The following MTFR1 variants were observed in gnomAD, a reference collection of about 807,000 sequenced individuals.
The protein encoded by MTFR1 is chondrocyte protein with a poly-proline region.
MTFR1 carries 28 observed loss-of-function variants against 38.8 expected under a neutral mutation model. The observed-to-expected ratio is 0.72, with a 90% CI of 0.53 to 0.99. MTFR1 has a LOEUF of 0.99. MTFR1 is among the 50% of genes least tolerant of loss of function. The pLI is 0.00. For missense variants in MTFR1, 358 were observed against 395.5 expected (o/e 0.91, Z 0.81); for synonymous variants, 145 against 137.0 (o/e 1.06, Z -0.41).
intron 3 of MTFR1, among the ~76,000 whole-genome samples, chr8:65,720,773 GAA>G (rs1193905783): frequency 1.3e-5 from 2 of 152,162 alleles, no homozygotes; most frequent in Non-Finnish European, 2.9e-5. Flanking sequence ...AACAAACATA[GAA>G]AAGTGTCATT....
At chr8:65,774,834 T>C (rs1045499809), downstream of MTFR1, among the ~76,000 whole-genome samples, 2 of 152,182 alleles carry the variant, frequency 1.3e-5, no homozygotes, top group South Asian at 2.1e-4. Flanking sequence ...GTTTCTCATA[T>C]CTGCTAATAC....
intron 1 of MTFR1, among the ~76,000 whole-genome samples, chr8:65,666,073 G>T (rs1042679669): frequency 2.6e-5 from 4 of 152,150 alleles, no homozygotes; most frequent in African/African-American, 9.7e-5. Flanking sequence ...ATATAAACGT[G>T]TTGAAAGTTG....
rs771781125 is a variant in MTFR1, at chr8:65,670,015, A to G, written c.63A>G (p.Gln21=). Residue 21 remains glutamine, a synonymous_variant, in exon 2 of 8, where the codon CAA becomes CAG. Coordinates refer to ENST00000262146, the MANE Select transcript of MTFR1 (RefSeq NM_014637.4). ...TTCAACAAGTTGGAGTAAGCATGCA[A>G]TCGGTGAGTGCTCAAAATTCATTTT... ...MVFQQVGVSM[Q]SVLWSRKPYG... is the part of the protein sequence containing the mutation. The G allele has an allele frequency of 6.3e-7, 1 of 1,595,958 alleles. No homozygotes were observed. Among genetic ancestry groups the G allele is most frequent in the Non-Finnish European group, 8.5e-7 (1 of 1,175,890 alleles).
intron 3 of MTFR1, among the ~76,000 whole-genome samples, chr8:65,756,889 G>A (rs894046632): frequency 6.6e-6 from 1 of 151,956 alleles, no homozygotes; most frequent in Non-Finnish European, 1.5e-5. Flanking sequence ...TACTCCTCCA[G>A]GATTGTTTAT....
At chr8:65,689,326 A>T (rs1290595918) in intron 3 of MTFR1, among the ~76,000 whole-genome samples, 3 of 152,176 alleles carry the variant, frequency 2.0e-5, no homozygotes, top group Admixed American at 2.0e-4. Flanking sequence ...TTTTTATTCT[A>T]AGCTTTTCTA....
intron 1 of MTFR1, among the ~76,000 whole-genome samples, chr8:65,664,748 T>C (rs1370582726): frequency 1.4e-5 from 2 of 143,812 alleles, no homozygotes; most frequent in East Asian, 2.2e-4. Context: ...AGGCACACAC[T>C]ACCATACCCG....
intron 3 of MTFR1, among the ~76,000 whole-genome samples, chr8:65,732,249 T>A (rs1460034245): frequency 2.6e-5 from 4 of 152,150 alleles, no homozygotes; most frequent in Non-Finnish European, 5.9e-5. Flanking sequence ...TTCACCAGCC[T>A]CGGCCTCCCA....
chr8:65,645,575 G>A (rs1275866018), intron 1 of MTFR1, among the ~76,000 whole-genome samples: 1 of 152,018 alleles, frequency 6.6e-6, no homozygotes, highest in African/African-American at 2.4e-5. Context: ...ACCCAGGCTG[G>A]AGTGCAGTGG....
chr8:65,721,226 T>G (rs1200753985), intron 3 of MTFR1, among the ~76,000 whole-genome samples: 1 of 152,234 alleles, frequency 6.6e-6, no homozygotes, highest in Non-Finnish European at 1.5e-5. Context: ...CTTCACAGAT[T>G]TCACAGGACG....
chr8:65,749,569 GTTTGAAGAAA>G (rs1807840428), intron 3 of MTFR1, among the ~76,000 whole-genome samples: 1 of 152,314 alleles, frequency 6.6e-6, no homozygotes, highest in African/African-American at 2.4e-5. Flanking sequence ...GAATTGGTCT[GTTTGAAGAAA>G]TTTGGGTAGA....
In MTFR1 at chr8:65,710,112, G is replaced by GT. The variant is rs921558774; in HGVS notation, c.*1073dup. ...TTTAAATGCTTTATAAATCTTCATG[G>GT]TTTTTCTATTTCTGATACACTCAGC... On this transcript the variant is annotated 3_prime_UTR_variant, in exon 8 of 8. Transcript: ENST00000262146. 1 of 152,006 alleles carries GT rather than the reference G, an allele frequency of 6.6e-6. No individual in the cohort carries two copies. The highest frequency in any genetic ancestry group is 6.6e-5 in the Admixed American group (1 of 15,262). The allele number at this position is 152,006 out of a possible 1,614,324, so 9.4% of individuals were successfully genotyped here.
intron 3 of MTFR1, among the ~76,000 whole-genome samples, chr8:65,738,160 AAC>A (rs1219941589): frequency 4.6e-5 from 7 of 152,250 alleles, no homozygotes; most frequent in Admixed American, 1.3e-4. Flanking sequence ...TTTAAAAAAA[AAC>A]GATGTATACA....
intron 1 of MTFR1, among the ~76,000 whole-genome samples, chr8:65,650,365 G>T (rs890180236): frequency 6.6e-6 from 1 of 151,840 alleles, no homozygotes. Context: ...TAGAGACGGG[G>T]TTTCACCATT....
chr8:65,755,732 G>A (rs1173589459), intron 3 of MTFR1, among the ~76,000 whole-genome samples: 1 of 152,002 alleles, frequency 6.6e-6, no homozygotes, highest in African/African-American at 2.4e-5. Flanking sequence ...TCCTCTTATG[G>A]CTTTAGGTAA....
At chr8:65,711,253 T>C (rs749728267), downstream of MTFR1, among the ~76,000 whole-genome samples, 10 of 152,198 alleles carry the variant, frequency 6.6e-5, no homozygotes, top group Non-Finnish European at 1.3e-4. Context: ...TCTGGTTGTT[T>C]CCCCAGTCCC....
chr8:65,706,382 CAG>C (rs1203088777), intron 5 of MTFR1, among the ~76,000 whole-genome samples: 9 of 152,142 alleles, frequency 5.9e-5, no homozygotes, highest in Non-Finnish European at 1.3e-4. Context: ...TCCAGTTATG[CAG>C]AAAGAGGATT....
At chr8:65,713,679 C>T (rs78175600), downstream of MTFR1, among the ~76,000 whole-genome samples, 1,165 of 152,114 alleles carry the variant, frequency 7.7e-3, 6 homozygotes, top group African/African-American at 0.025. Flanking sequence ...GTAACTTTAT[C>T]GGTCATAGAT....
intron 1 of MTFR1, among the ~76,000 whole-genome samples, chr8:65,658,463 A>G (rs1267014285): frequency 2.0e-5 from 3 of 152,222 alleles, no homozygotes; most frequent in South Asian, 2.1e-4. Flanking sequence ...TCTATTTCCA[A>G]TATTTATCTG....
intron 1 of MTFR1, among the ~76,000 whole-genome samples, chr8:65,645,394 C>CATT (rs939104271): frequency 6.6e-6 from 1 of 152,250 alleles, no homozygotes; most frequent in Non-Finnish European, 1.5e-5. Flanking sequence ...GGCCTTTGGG[C>CATT]ATTAACAACA....
Sources: allele counts gnomAD v4.1 joint callset (sites outside exome capture counted in the v4.1 genomes callset), GRCh38; gene constraint gnomAD v4.1.1; transcripts MANE v1.5; gene names NCBI Gene and HGNC (gene_info 2026-07-23, HGNC 2026-07-21).